Variants in GDI2 observed in about 807,000 individuals in gnomAD.
GDI2 encodes GDP dissociation inhibitor 2.
A neutral mutation model predicts 54.2 loss-of-function variants in GDI2; 22 were observed. The ratio of observed to expected loss-of-function variants is 0.41; its 90% CI spans 0.29 to 0.58. The LOEUF (loss-of-function observed/expected upper bound fraction) is 0.58. GDI2 is among the 20% of genes least tolerant of loss of function. The probability of loss-of-function intolerance (pLI) is 0.35; values close to 1 mark genes in which losing one functional copy is unlikely to be tolerated. For synonymous variants in GDI2, 177 were observed against 182.1 expected, an observed-to-expected ratio of 0.97 and a Z score of 0.23; for missense variants, 422 against 546.0, an observed-to-expected ratio of 0.77 and a Z score of 2.26.
At chr10:5,772,248 A>G (rs1840507336) in intron 7 of GDI2, among the ~76,000 whole-genome samples, 1 of 152,190 alleles carries the variant, frequency 6.6e-6, no homozygotes, top group South Asian at 2.1e-4. Flanking sequence ...AGTTTGTTGG[A>G]CCTGGATGGT....
In GDI2 at chr10:5,776,362, C is replaced by T. The variant is rs1418979933; in HGVS notation, c.720-2421G>A. 15 of 685,134 alleles carry T rather than the reference C, an allele frequency of 2.2e-5. No individual in the cohort carries two copies. The highest frequency in any genetic ancestry group is 3.2e-5 in the Non-Finnish European group (12 of 375,540). 42.4% of individuals were successfully genotyped at this position (685,134 alleles called of 1,614,324 possible). A position where few individuals can be genotyped will look rare whatever the true frequency, so the allele number is the denominator to read the frequency against. ...GCTGAGGATGCAGAGAGCCAGAGCC[C>T]CCTTTCTCAGAAGCACAGCCCTTTC... is the stretch of plus-strand genomic sequence containing the variant. On this transcript the variant is annotated intron_variant, in intron 6 of 10. Coordinates refer to ENST00000380191, the MANE Select transcript of GDI2 (RefSeq NM_001494.4). The surrounding 1 kb of genome is among the most constrained non-coding windows in gnomAD (Gnocchi z 5.3).
intron 1 of GDI2, chr10:5,811,957 C>G: frequency 1.0e-6 from 1 of 975,424 alleles, no homozygotes; most frequent in Non-Finnish European, 1.3e-6. Flanking sequence ...GGGATGTTAC[C>G]TGTAAAAAAA....
chr10:5,811,467 G>A (rs770185902), intron 1 of GDI2, among the ~76,000 whole-genome samples: 14 of 152,130 alleles, frequency 9.2e-5, no homozygotes, highest in Admixed American at 4.6e-4. Context: ...CTGCATGATG[G>A]TGGATTTGCA....
intron 2 of GDI2, among the ~76,000 whole-genome samples, chr10:5,797,561 A>AAG (rs961071331): frequency 6.6e-6 from 1 of 150,430 alleles, no homozygotes; most frequent in Non-Finnish European, 1.5e-5. Flanking sequence ...AAAAAAAAAA[A>AAG]AAAAAAATTA....
Position 5,785,844 on chromosome 10 carries a change from A to AT in GDI2, c.587+7dup. On this transcript the variant is annotated splice_region_variant and intron_variant, in intron 5 of 10. Transcript: ENST00000380191. Reference sequence around the variant, plus strand: ...GAAAAATACAAATCTAAAAACCAAAATACTTACTCATCAGTTCTGTAAAGT... The same window carrying AT: ...GAAAAATACAAATCTAAAAACCAAAATTACTTACTCATCAGTTCTGTAAAGT... 6.6e-7 allele frequency: 1 copy of AT among 1,517,926 alleles called. No individual in the cohort carries two copies. The highest frequency in any genetic ancestry group is 9.1e-7 in the Non-Finnish European group (1 of 1,104,258). 94.0% of individuals were successfully genotyped at this position (1,517,926 alleles called of 1,614,324 possible).
chr10:5,807,423 C>A (rs1471192584), intron 1 of GDI2, among the ~76,000 whole-genome samples: 1 of 152,132 alleles, frequency 6.6e-6, no homozygotes, highest in African/African-American at 2.4e-5. Context: ...TAACTTTAAC[C>A]ACGAAACTTG....
chr10:5,813,272 C>A lies in GDI2; in HGVS notation c.-14G>T. The A allele has an allele frequency of 1.3e-6, 2 of 1,568,396 alleles. No homozygotes were observed. Among genetic ancestry groups the A allele is most frequent in the Non-Finnish European group, 1.7e-6 (2 of 1,159,708 alleles). On this transcript the variant is annotated 5_prime_UTR_variant, in exon 1 of 11. Coordinates refer to ENST00000380191, the MANE Select transcript of GDI2 (RefSeq NM_001494.4). ...CTCCTCATTCATGGCGGGGCAGGCG[C>A]GGACGCAGGACCCGAGCAAGGAAAA...
intron 2 of GDI2, among the ~76,000 whole-genome samples, chr10:5,797,471 C>T (rs1289325518): frequency 2.1e-5 from 3 of 140,742 alleles, no homozygotes; most frequent in African/African-American, 2.7e-5. Context: ...TTTCAACATG[C>T]GAGGCAGAGG....
At chr10:5,792,431 G>T (rs12259275) in intron 4 of GDI2, among the ~76,000 whole-genome samples, 1,733 of 152,156 alleles carry the variant, frequency 0.011, 31 homozygotes, top group African/African-American at 0.038. Flanking sequence ...AAAACAACTG[G>T]TACTTATCCA....
At chr10:5,803,751 G>A (rs1250827023) in intron 1 of GDI2, among the ~76,000 whole-genome samples, 3 of 152,020 alleles carry the variant, frequency 2.0e-5, no homozygotes, top group African/African-American at 7.2e-5. Flanking sequence ...AAATTAAGAA[G>A]AGGGAAAAAA....
At chr10:5,803,426 T>C (rs184938231) in intron 1 of GDI2, among the ~76,000 whole-genome samples, 231 of 151,866 alleles carry the variant, frequency 1.5e-3, no homozygotes, top group Non-Finnish European at 2.6e-3. Context: ...CCTATCTCAA[T>C]AACAAAAAAA....
intron 3 of GDI2, among the ~76,000 whole-genome samples, chr10:5,795,318 T>C (rs1313421902): frequency 2.6e-5 from 4 of 151,884 alleles, no homozygotes; most frequent in Admixed American, 2.6e-4. Flanking sequence ...GACAGGGTTT[T>C]GCCATGTTGC....
intron 7 of GDI2, among the ~76,000 whole-genome samples, chr10:5,769,575 A>G (rs1300723576): frequency 8.3e-6 from 1 of 121,048 alleles, no homozygotes; most frequent in Non-Finnish European, 1.6e-5. Context: ...GTCTCAAAAG[A>G]AAAAAAAAAA....
intron 6 of GDI2, among the ~76,000 whole-genome samples, chr10:5,780,733 C>A (rs560405521): frequency 6.6e-6 from 1 of 152,160 alleles, no homozygotes; most frequent in Admixed American, 6.5e-5. Flanking sequence ...TAGATCTCTA[C>A]AGTGAAAGCT....
At chr10:5,788,766 G>GT (rs145169610) in intron 4 of GDI2, among the ~76,000 whole-genome samples, 49,863 of 147,352 alleles carry the variant, frequency 0.34, 8,558 homozygotes, top group Non-Finnish European at 0.39. Flanking sequence ...AGGTTTGCAT[G>GT]TTTTTTTTTT....
At chr10:5,781,601 G>C (rs1181494005) in intron 6 of GDI2, among the ~76,000 whole-genome samples, 1 of 147,158 alleles carries the variant, frequency 6.8e-6, no homozygotes, top group Non-Finnish European at 1.5e-5. Flanking sequence ...ATCCGGCCTG[G>C]GCAAAACACC....
At chr10:5,778,070 G>A (rs1840665977) in intron 6 of GDI2, among the ~76,000 whole-genome samples, 1 of 152,168 alleles carries the variant, frequency 6.6e-6, no homozygotes, top group Non-Finnish European at 1.5e-5. Flanking sequence ...TCACTCATAA[G>A]TGGGAGTTGA....
chr10:5,775,082 G>A (rs1160920073), intron 6 of GDI2, among the ~76,000 whole-genome samples: 1 of 152,230 alleles, frequency 6.6e-6, no homozygotes, highest in Non-Finnish European at 1.5e-5. Context: ...GAACGCAGGA[G>A]TTTAAGACCA....
chr10:5,771,272 GAAGTAT>G (rs1471517305), intron 7 of GDI2, among the ~76,000 whole-genome samples: 1 of 152,270 alleles, frequency 6.6e-6, no homozygotes, highest in African/African-American at 2.4e-5. Context: ...ACAGTATTCA[GAAGTAT>G]AAGTTTTAGA....
Sources: allele counts gnomAD v4.1 joint callset (sites outside exome capture counted in the v4.1 genomes callset), GRCh38; gene constraint gnomAD v4.1.1; non-coding constraint Gnocchi (gnomAD v3.1); transcripts MANE v1.5; gene names NCBI Gene and HGNC (gene_info 2026-07-23, HGNC 2026-07-21).